The following LMNB1 variants were observed in gnomAD, a reference collection of about 807,000 sequenced individuals.
LMNB1 encodes the protein lamin-B1.
Under a neutral mutation model 67.1 loss-of-function variants are expected in LMNB1, and 23 were observed. That is an observed-to-expected ratio of 0.34 (90% CI 0.25 to 0.49). LMNB1 has a LOEUF of 0.49. LMNB1 is among the 20% of genes least tolerant of loss of function. The probability of loss-of-function intolerance (pLI) is 0.99; values close to 1 mark genes in which losing one functional copy is unlikely to be tolerated. For missense variants in LMNB1, 634 were observed against 746.5 expected, an observed-to-expected ratio of 0.85 and a Z score of 1.76; for synonymous variants, 281 against 282.9, an observed-to-expected ratio of 0.99 and a Z score of 0.07.
intron 5 of LMNB1, among the ~76,000 whole-genome samples, chr5:126,814,023 G>A (rs1406036711): frequency 6.6e-6 from 1 of 152,074 alleles, no homozygotes; most frequent in Non-Finnish European, 1.5e-5. Context: ...AGCTTCCCTA[G>A]TAGCTGGGAT....
chr5:126,821,642 A>G (rs1204624170), intron 7 of LMNB1, among the ~76,000 whole-genome samples: 1 of 152,254 alleles, frequency 6.6e-6, no homozygotes, highest in Admixed American at 6.5e-5. Context: ...ATTTTGAAAT[A>G]TGTTTAAAAG....
chr5:126,828,164 A>G (rs924185147), intron 9 of LMNB1, among the ~76,000 whole-genome samples: 1 of 152,228 alleles, frequency 6.6e-6, no homozygotes. Flanking sequence ...CTTCCTGTCT[A>G]TCCCTCACTG....
chr5:126,819,220 G>T, intron 6 of LMNB1, 78 bp downstream of exon 6: 2 of 944,144 alleles, frequency 2.1e-6, no homozygotes, highest in South Asian at 1.6e-5. Context: ...AAAATAAATA[G>T]CATTTTAAAA....
In LMNB1 at chr5:126,785,160, T is replaced by TC. The variant is rs1554112535; in HGVS notation, c.359+7293_359+7294insC. 6.1e-5 allele frequency among the ~76,000 whole-genome samples: 9 copies of TC among 146,760 alleles called. No homozygotes were observed. The East Asian group carries it at 1.6e-3, about 26-fold the overall frequency. ...ATGCCCGGCTAATTTTTTTTTTTTT[T>TC]AATTTCTAGTAGAAACGGGGTTTCA... On this transcript the variant is annotated intron_variant, in intron 1 of 10. Coordinates refer to ENST00000261366, the MANE Select transcript of LMNB1 (RefSeq NM_005573.4).
chr5:126,803,300 C>CAATG (rs1424136848), intron 1 of LMNB1, among the ~76,000 whole-genome samples: 2 of 151,954 alleles, frequency 1.3e-5, no homozygotes, highest in African/African-American at 4.8e-5. Flanking sequence ...GGCTGGAGTG[C>CAATG]AATGGCACAA....
Position 126,822,944 on chromosome 5 carries a change from C to A in LMNB1, c.1491+59C>A, listed in dbSNP as rs1161259733. Reference sequence around the variant, plus strand: ...CATTGTGTTAACTAACAAAGTAACTCAAAAAGTTTTTTGGCTAAAAGAGAA... The same window carrying A: ...CATTGTGTTAACTAACAAAGTAACTAAAAAAGTTTTTTGGCTAAAAGAGAA... On this transcript the variant is annotated intron_variant, in intron 8 of 10. Coordinates refer to ENST00000261366, the MANE Select transcript of LMNB1 (RefSeq NM_005573.4). The A allele has an allele frequency of 6.0e-6, 7 of 1,163,834 alleles. No homozygotes were observed. The Admixed American group carries it at 9.9e-5, about 16-fold the overall frequency. The allele number at this position is 1,163,834 out of a possible 1,614,324, so 72.1% of individuals were successfully genotyped here. A position where few individuals can be genotyped will look rare whatever the true frequency, so the allele number is the denominator to read the frequency against.
intron 4 of LMNB1, 113 bp downstream of exon 4, chr5:126,810,463 A>C (rs1341788062): frequency 1.7e-5 from 13 of 777,280 alleles, no homozygotes; most frequent in Non-Finnish European, 2.5e-5. Context: ...TGATTCCCCT[A>C]GTCTCCATGA....
intron 5 of LMNB1, among the ~76,000 whole-genome samples, chr5:126,817,326 C>T (rs1743099115): frequency 6.6e-6 from 1 of 152,130 alleles, no homozygotes. Context: ...ATCCAGTCTC[C>T]AAGGAGCCCT....
In LMNB1 at chr5:126,806,079, C is replaced by T. The variant is rs185192270; in HGVS notation, c.642+383C>T. Reference sequence around the variant, plus strand: ...AAGCAGTTCTCCTGCCTCAGCCTCCCGAGTAGCTGGAACTACAGGCGTGCG... The same window carrying T: ...AAGCAGTTCTCCTGCCTCAGCCTCCTGAGTAGCTGGAACTACAGGCGTGCG... On this transcript the variant is annotated intron_variant, in intron 3 of 10. Transcript: ENST00000261366. 3.7e-3 allele frequency among the ~76,000 whole-genome samples: 559 copies of T among 152,256 alleles called. 3 individuals carry two copies. The highest frequency in any genetic ancestry group is 0.012 in the African/African-American group (503 of 41,542).
intron 10 of LMNB1, among the ~76,000 whole-genome samples, chr5:126,835,267 G>A (rs971745382): frequency 7.2e-5 from 11 of 152,204 alleles, no homozygotes; most frequent in South Asian, 4.1e-4. Flanking sequence ...CAGAACAGGC[G>A]TTTGAACTTC....
chr5:126,779,381 T>G (rs1269322885), intron 1 of LMNB1, among the ~76,000 whole-genome samples: 17 of 152,252 alleles, frequency 1.1e-4, no homozygotes. Context: ...TTCTTGGATT[T>G]ACTAAGCCTT....
chr5:126,785,705 T>A (rs1172000927), intron 1 of LMNB1, among the ~76,000 whole-genome samples: 2 of 151,870 alleles, frequency 1.3e-5, no homozygotes, highest in African/African-American at 4.8e-5. Context: ...AATTCTTGGT[T>A]GGGCCTTAGG....
chr5:126,783,264 A>C (rs146184898), intron 1 of LMNB1, among the ~76,000 whole-genome samples: 1 of 151,994 alleles, frequency 6.6e-6, no homozygotes, highest in Admixed American at 6.6e-5. Flanking sequence ...GTGTATTACT[A>C]TATCTTTTTT....
rs183368504 is a variant in LMNB1, at chr5:126,791,127, T to G, written c.359+13260T>G. Among the ~76,000 whole-genome samples the G allele has an allele frequency of 7.7e-4, 117 of 152,286 alleles. 1 individual carries two copies. Among genetic ancestry groups the G allele is most frequent in the Non-Finnish European group, 1.4e-3 (95 of 68,036 alleles). On this transcript the variant is annotated intron_variant, in intron 1 of 10. Transcript: ENST00000261366. ...TGCAGAAGTAATGATGAGTGAAAAA[T>G]TTAAAAGCTTGTAGGATCTTCTTTT...
chr5:126,832,833 C>A, intron 10 of LMNB1, 32 bp downstream of exon 10: 1 of 1,372,302 alleles, frequency 7.3e-7, no homozygotes, highest in South Asian at 1.4e-5. Context: ...ATATTTATTT[C>A]AAATTTTATT....
chr5:126,813,712 A>G (rs917743304), intron 5 of LMNB1, among the ~76,000 whole-genome samples: 2 of 152,152 alleles, frequency 1.3e-5, no homozygotes, highest in African/African-American at 2.4e-5. Flanking sequence ...TTAAAGGGTG[A>G]ATGAGCACCC....
At chr5:126,783,660 C>T (rs1371281142) in intron 1 of LMNB1, among the ~76,000 whole-genome samples, 1 of 151,930 alleles carries the variant, frequency 6.6e-6, no homozygotes, top group Non-Finnish European at 1.5e-5. Flanking sequence ...TTTTGCATAC[C>T]CAGATTCAAG....
Position 126,805,699 on chromosome 5 carries a change from A to G in LMNB1, c.642+3A>G, listed in dbSNP as rs1249507979. 5.6e-6 allele frequency: 9 copies of G among 1,602,700 alleles called. No homozygotes were observed. Among genetic ancestry groups the G allele is most frequent in the Non-Finnish European group, 7.7e-6 (9 of 1,174,268 alleles). On this transcript the variant is annotated splice_donor_region_variant and intron_variant, in intron 3 of 10. Transcript: ENST00000261366. The stretch of plus-strand genomic sequence containing the variant: ...TTCGCAAAAGCATGTATGAAGAGGT[A>G]ACTATATATAATTTTGCTTTGTAAA...
intron 1 of LMNB1, among the ~76,000 whole-genome samples, chr5:126,791,662 A>G (rs890913412): frequency 1.1e-4 from 17 of 151,958 alleles, no homozygotes; most frequent in African/African-American, 4.1e-4. Context: ...TCATAGAGAC[A>G]GGGTCTTACT....
Sources: allele counts gnomAD v4.1 joint callset (sites outside exome capture counted in the v4.1 genomes callset), GRCh38; gene constraint gnomAD v4.1.1; transcripts MANE v1.5; gene names NCBI Gene and HGNC (gene_info 2026-07-23, HGNC 2026-07-21).